GALNT14: variants seen among roughly 807,000 people sequenced by gnomAD.
GALNT14 encodes the protein UDP-GalNAc:polypeptide N-acetylgalactosaminyltransferase 14.
In GALNT14, 60 loss-of-function variants were observed where a neutral mutation model predicts 77.5. The observed-to-expected ratio is 0.77, with a 90% CI of 0.63 to 0.96. GALNT14 has a LOEUF of 0.96. Among genes scored for constraint, GALNT14 ranks in the 40% least tolerant of loss-of-function variants. The pLI, the probability that GALNT14 is intolerant of heterozygous loss-of-function variation, is 0.00. For synonymous variants in GALNT14, 280 were observed against 281.7 expected, an observed-to-expected ratio of 0.99 and a Z score of 0.06; for missense variants, 710 against 731.0, an observed-to-expected ratio of 0.97 and a Z score of 0.33.
At chr2:31,050,012 G>C (rs2148516921) in intron 1 of GALNT14, among the ~76,000 whole-genome samples, 1 of 152,228 alleles carries the variant, frequency 6.6e-6, no homozygotes, top group East Asian at 1.9e-4. Context: ...GGCAGCGATG[G>C]GGACGTGTGG....
chr2:31,084,502 A>G lies in GALNT14; in HGVS notation c.129+53456T>C, dbSNP rs1281085960. ...GTGTCTAGCTCCAGATGTTTATAAA[A>G]GACTTTAGTGCCCTGAGGTGATGCT... On this transcript the variant is annotated intron_variant, in intron 1 of 14. Coordinates refer to ENST00000349752, the MANE Select transcript of GALNT14 (RefSeq NM_024572.4). 2.6e-5 allele frequency among the ~76,000 whole-genome samples: 4 copies of G among 152,350 alleles called. No individual in the cohort carries two copies. In the East Asian group the frequency reaches 7.7e-4, roughly 29 times the overall value.
chr2:30,931,832 G>C (rs927760852), intron 10 of GALNT14, among the ~76,000 whole-genome samples: 1 of 152,094 alleles, frequency 6.6e-6, no homozygotes, highest in Admixed American at 6.5e-5. Flanking sequence ...GGCCTCATGT[G>C]GGGCCTTCCG....
At chr2:31,100,411 T>C (rs1410488215) in intron 1 of GALNT14, among the ~76,000 whole-genome samples, 1 of 152,098 alleles carries the variant, frequency 6.6e-6, no homozygotes, top group Non-Finnish European at 1.5e-5. Flanking sequence ...TTACTAATTA[T>C]TGCACATTGT....
chr2:30,972,307 G>T (rs1668406985), intron 2 of GALNT14, among the ~76,000 whole-genome samples: 1 of 152,194 alleles, frequency 6.6e-6, no homozygotes, highest in South Asian at 2.1e-4. Flanking sequence ...ATGGGAAAAG[G>T]TCAGGCAACT....
At chr2:30,986,635 A>G (rs1182657233) in intron 2 of GALNT14, among the ~76,000 whole-genome samples, 2 of 152,210 alleles carry the variant, frequency 1.3e-5, no homozygotes, top group Admixed American at 6.5e-5. Context: ...GTAATGGCAA[A>G]AAACGCAATT....
At position 31,138,126 on chromosome 2, in the gene GALNT14, G is replaced by A. The variant is rs747571754; in HGVS notation, c.-40C>T. 2 of 1,612,032 alleles carry A rather than the reference G, an allele frequency of 1.2e-6. No homozygotes were observed. Among genetic ancestry groups the A allele is most frequent in the South Asian group, 1.1e-5 (1 of 90,958 alleles). On this transcript the variant is annotated 5_prime_UTR_variant, in exon 1 of 15. Coordinates refer to ENST00000349752, the MANE Select transcript of GALNT14 (RefSeq NM_024572.4). ...CTTCCTCTCCGCGGCGCTACGTCCC[G>A]GGGGCACCCCCCGGCGGTCAGGGTT...
intron 1 of GALNT14, among the ~76,000 whole-genome samples, chr2:31,052,485 C>A (rs1673938685): frequency 6.6e-6 from 1 of 152,222 alleles, no homozygotes; most frequent in Non-Finnish European, 1.5e-5. Flanking sequence ...TTTCAAAGAG[C>A]AGCGGCCTGC....
downstream of GALNT14, among the ~76,000 whole-genome samples, chr2:30,906,546 A>C (rs1176633533): frequency 2.7e-5 from 4 of 149,980 alleles, no homozygotes; most frequent in African/African-American, 4.9e-5. Context: ...CAGGAGCACC[A>C]AGATTCATAA....
chr2:31,056,920 T>C (rs932504941), intron 1 of GALNT14, among the ~76,000 whole-genome samples: 2 of 152,104 alleles, frequency 1.3e-5, no homozygotes, highest in Admixed American at 6.6e-5. Flanking sequence ...GAAAATGTGG[T>C]ACATATACAC....
intron 3 of GALNT14, among the ~76,000 whole-genome samples, chr2:30,963,717 G>A (rs903237683): frequency 6.6e-6 from 1 of 152,106 alleles, no homozygotes; most frequent in African/African-American, 2.4e-5. Flanking sequence ...CATGCCCCAG[G>A]GTCACACAGC....
At chr2:31,088,291 A>G (rs1438083236) in intron 1 of GALNT14, among the ~76,000 whole-genome samples, 1 of 152,222 alleles carries the variant, frequency 6.6e-6, no homozygotes, top group Non-Finnish European at 1.5e-5. Flanking sequence ...ATGGGACACA[A>G]GATGGAAGAA....
At chr2:31,122,618 GA>G (rs1289697101) in intron 1 of GALNT14, among the ~76,000 whole-genome samples, 1 of 152,118 alleles carries the variant, frequency 6.6e-6, no homozygotes, top group African/African-American at 2.4e-5. Flanking sequence ...TGAATTATAA[GA>G]GACACTAACC....
intron 1 of GALNT14, among the ~76,000 whole-genome samples, chr2:31,057,943 C>T (rs1285880253): frequency 6.6e-6 from 1 of 152,076 alleles, no homozygotes; most frequent in African/African-American, 2.4e-5. Context: ...CTCCTCACCT[C>T]CTGCTCAACA....
intron 1 of GALNT14, among the ~76,000 whole-genome samples, chr2:31,000,005 C>G (rs1424941990): frequency 6.6e-6 from 1 of 152,218 alleles, no homozygotes; most frequent in African/African-American, 2.4e-5. Flanking sequence ...AGCAGGACTC[C>G]TGTGTGGTAA....
At chr2:31,109,230 G>T (rs541950492) in intron 1 of GALNT14, among the ~76,000 whole-genome samples, 63 of 152,328 alleles carry the variant, frequency 4.1e-4, no homozygotes, top group Non-Finnish European at 7.1e-4. Context: ...AAATGGCAGA[G>T]AAAATAAAAT....
intron 13 of GALNT14, among the ~76,000 whole-genome samples, chr2:30,923,657 C>T (rs1325801611): frequency 2.0e-5 from 3 of 152,080 alleles, no homozygotes; most frequent in Admixed American, 1.3e-4. Context: ...GATGTGACTA[C>T]CTGCCAGTCA....
intron 13 of GALNT14, among the ~76,000 whole-genome samples, chr2:30,913,110 C>G (rs1015853904): frequency 2.0e-5 from 3 of 152,104 alleles, no homozygotes; most frequent in African/African-American, 7.2e-5. Context: ...CTCCAAAGTA[C>G]CAGAGATCAC....
At chr2:31,000,069 G>T (rs1036131023) in intron 1 of GALNT14, among the ~76,000 whole-genome samples, 1 of 152,158 alleles carries the variant, frequency 6.6e-6, no homozygotes, top group East Asian at 1.9e-4. Flanking sequence ...GGAACAGGTT[G>T]TCCTGTTCTA....
At chr2:30,889,020 TC>T in the GALNT14 span, among the ~76,000 whole-genome samples, 2 of 150,232 alleles carry the variant, frequency 1.3e-5, no homozygotes, top group Non-Finnish European at 2.9e-5. Flanking sequence ...ATCACGAAGA[TC>T]CCCCAGAGTC....
Sources: allele counts gnomAD v4.1 joint callset (sites outside exome capture counted in the v4.1 genomes callset), GRCh38; gene constraint gnomAD v4.1.1; transcripts MANE v1.5; gene names NCBI Gene and HGNC (gene_info 2026-07-23, HGNC 2026-07-21).